TUB: variants seen among roughly 807,000 people sequenced by gnomAD.
TUB encodes tubby protein homolog.
A neutral mutation model predicts 59.7 loss-of-function variants in TUB; 33 were observed. That is an observed-to-expected ratio of 0.55 (90% CI 0.42 to 0.74). TUB has a LOEUF of 0.74. Among genes scored for constraint, TUB ranks in the 30% least tolerant of loss-of-function variants. The probability of loss-of-function intolerance (pLI) is 0.00; values close to 1 mark genes in which losing one functional copy is unlikely to be tolerated. For missense variants in TUB, 659 were observed against 672.0 expected, an observed-to-expected ratio of 0.98 and a Z score of 0.21; for synonymous variants, 293 against 256.4, an observed-to-expected ratio of 1.14 and a Z score of -1.36.
intron 2 of TUB, among the ~76,000 whole-genome samples, chr11:8,074,928 G>C (rs1943425038): frequency 6.6e-6 from 1 of 151,646 alleles, no homozygotes; most frequent in African/African-American, 2.4e-5. Flanking sequence ...TGTAATTTTA[G>C]TAGAGACGGG....
Position 8,090,065 on chromosome 11 carries a change from A to G in TUB, c.91-4A>G, listed in dbSNP as rs761784462. On this transcript the variant is annotated splice_region_variant and splice_polypyrimidine_tract_variant and intron_variant, in intron 2 of 11. Transcript: ENST00000299506. ...TGGGTCAGCCAACCTCTGTGCCTCC[A>G]TAGCGGGCCCTGCTGGAGCAGAAGC... 6.9e-6 allele frequency: 11 copies of G among 1,597,770 alleles called. No homozygotes were observed. The highest frequency in any genetic ancestry group is 1.7e-6 in the Non-Finnish European group (2 of 1,172,410).
At position 8,039,124 on chromosome 11, in the gene TUB, A is replaced by G. The variant is rs532983513; in HGVS notation, c.155+96A>G. On this transcript the variant is annotated intron_variant, in intron 1 of 12. Transcript: ENST00000305253. ...CTGACCTCAACCCTTTACAGTCCCAAGGCCTCCCCTTCCTGATGGTGCTGC... is the reference window on the plus strand; with the variant it reads ...CTGACCTCAACCCTTTACAGTCCCAGGGCCTCCCCTTCCTGATGGTGCTGC... 7.6e-6 allele frequency: 11 copies of G among 1,447,292 alleles called. No individual in the cohort carries two copies. The African/African-American group carries it at 1.3e-4, about 17-fold the overall frequency. 89.7% of individuals were successfully genotyped at this position (1,447,292 alleles called of 1,614,324 possible).
upstream of TUB, among the ~76,000 whole-genome samples, chr11:8,079,714 G>GT (rs1491129086): frequency 1.3e-5 from 2 of 150,830 alleles, no homozygotes; most frequent in African/African-American, 4.9e-5. Flanking sequence ...GTGTGTAGGG[G>GT]TGTGTGTGTG....
chr11:8,024,875 A>G (rs763340581), intron 1 of TUB, among the ~76,000 whole-genome samples: 2 of 152,234 alleles, frequency 1.3e-5, no homozygotes, highest in Non-Finnish European at 2.9e-5. Flanking sequence ...AAGTAGCATC[A>G]CTGCGCAGAA....
chr11:8,056,685 A>G (rs1314904803), intron 2 of TUB, among the ~76,000 whole-genome samples: 1 of 151,880 alleles, frequency 6.6e-6, no homozygotes, highest in Non-Finnish European at 1.5e-5. Flanking sequence ...GCTGGAGGAA[A>G]ATCTATCTGT....
At chr11:8,063,761 A>G (rs1943178904) in intron 2 of TUB, among the ~76,000 whole-genome samples, 2 of 152,262 alleles carry the variant, frequency 1.3e-5, no homozygotes, top group African/African-American at 4.8e-5. Context: ...AGTTCTTGTC[A>G]CATATTACTA....
At chr11:8,060,079 G>C (rs899441932) in intron 2 of TUB, 1 of 152,520 alleles carries the variant, frequency 6.6e-6, no homozygotes, top group African/African-American at 2.4e-5. Context: ...CTGGAGTAAG[G>C]TGAGTTGCTT....
At chr11:8,048,276 T>C (rs1212483413) in intron 2 of TUB, among the ~76,000 whole-genome samples, 1 of 152,202 alleles carries the variant, frequency 6.6e-6, no homozygotes, top group Non-Finnish European at 1.5e-5. Context: ...ACATAGTTAA[T>C]AACTGGTGAG....
chr11:8,046,135 T>C (rs1370141925), intron 2 of TUB, among the ~76,000 whole-genome samples: 3 of 152,130 alleles, frequency 2.0e-5, no homozygotes, highest in Non-Finnish European at 4.4e-5. Context: ...TCTCACTCTC[T>C]AGCTCTTCCT....
chr11:8,029,741 C>T (rs960471940), intron 1 of TUB, among the ~76,000 whole-genome samples: 2 of 152,016 alleles, frequency 1.3e-5, no homozygotes, highest in African/African-American at 2.4e-5. Context: ...CCTATGGCCT[C>T]GGTGTGTGTT....
chr11:8,091,678 C>T (rs930479632), intron 3 of TUB, among the ~76,000 whole-genome samples: 2 of 152,138 alleles, frequency 1.3e-5, no homozygotes, highest in African/African-American at 4.8e-5. Context: ...ACCTGGTATG[C>T]CTGTACTCTA....
chr11:8,026,726 C>G (rs1039433871), intron 1 of TUB, among the ~76,000 whole-genome samples: 3 of 152,140 alleles, frequency 2.0e-5, no homozygotes, highest in Non-Finnish European at 4.4e-5. Flanking sequence ...TTTGACTATT[C>G]TAGGGCCTTT....
In TUB at chr11:8,047,466, G is replaced by C. The variant is rs566099189; in HGVS notation, c.203+7774G>C. Among the ~76,000 whole-genome samples, 152 of 152,292 alleles carry C rather than the reference G, an allele frequency of 1.0e-3. 1 individual carries two copies. The highest frequency in any genetic ancestry group is 3.5e-3 in the African/African-American group (146 of 41,568). On this transcript the variant is annotated intron_variant, in intron 2 of 12. Transcript: ENST00000305253. ...TCAGTGGAAAGCCATGCACAGAATA[G>C]GTACTCATTATAAGTGCACTGGATG...
chr11:8,044,815 G>T (rs184936664), intron 2 of TUB, among the ~76,000 whole-genome samples: 4 of 152,290 alleles, frequency 2.6e-5, no homozygotes, highest in Non-Finnish European at 4.4e-5. Flanking sequence ...ATGGCTAACA[G>T]AACTCAGGAA....
chr11:8,099,576 G>A (rs570699105), intron 9 of TUB, among the ~76,000 whole-genome samples: 2 of 152,256 alleles, frequency 1.3e-5, no homozygotes, highest in East Asian at 3.9e-4. Flanking sequence ...GAGGCACTAA[G>A]GATATAGTAA....
At chr11:8,061,570 G>T (rs1342324971) in intron 2 of TUB, among the ~76,000 whole-genome samples, 4 of 152,108 alleles carry the variant, frequency 2.6e-5, no homozygotes, top group Non-Finnish European at 5.9e-5. Flanking sequence ...CTGGGATCCT[G>T]GGGTGCAAGA....
intron 1 of TUB, among the ~76,000 whole-genome samples, chr11:8,033,388 G>A (rs1163913076): frequency 6.6e-6 from 1 of 152,200 alleles, no homozygotes; most frequent in African/African-American, 2.4e-5. Flanking sequence ...TGAGCACTCC[G>A]GGAGTTTCTG....
chr11:8,065,363 C>G (rs1030852297), intron 2 of TUB, among the ~76,000 whole-genome samples: 1 of 152,140 alleles, frequency 6.6e-6, no homozygotes, highest in African/African-American at 2.4e-5. Context: ...GTGTGTGCCC[C>G]AGGTTCAACA....
intron 1 of TUB, among the ~76,000 whole-genome samples, chr11:8,031,224 G>T (rs996548477): frequency 3.3e-5 from 5 of 152,022 alleles, no homozygotes; most frequent in Admixed American, 1.3e-4. Context: ...GGGTGGGACT[G>T]GGGGGATCCT....
Sources: gnomAD v4.1 joint callset for allele counts (sites outside exome capture counted in the v4.1 genomes callset) on GRCh38, gnomAD v4.1.1 for gene constraint, MANE v1.5 for transcripts, NCBI Gene and HGNC (gene_info 2026-07-23, HGNC 2026-07-21) for gene names.